TRANK1: variants seen among roughly 807,000 people sequenced by gnomAD.
TRANK1 encodes tetratricopeptide repeat and ankyrin repeat containing 1.
In TRANK1, 198 loss-of-function variants were observed where a neutral mutation model predicts 266.0. That is an observed-to-expected ratio of 0.74 (90% CI 0.66 to 0.84). TRANK1 has a LOEUF of 0.84. Among genes scored for constraint, TRANK1 ranks in the 40% least tolerant of loss-of-function variants. The pLI is 0.00. For missense variants in TRANK1, 3,326 were observed against 3,634.6 expected (o/e 0.92, Z 2.18); for synonymous variants, 1,396 against 1,384.1 (o/e 1.01, Z -0.19).
intron 2 of TRANK1, 109 bp from the exon 3 acceptor site, chr3:36,903,384 G>A: frequency 7.4e-7 from 1 of 1,347,628 alleles, no homozygotes; most frequent in Non-Finnish European, 1.0e-6. Flanking sequence ...GGTTTCAGTA[G>A]GAAATGACTC....
At chr3:36,942,389 T>A (rs1208499588) in intron 1 of TRANK1, among the ~76,000 whole-genome samples, 1 of 148,702 alleles carries the variant, frequency 6.7e-6, no homozygotes, top group Non-Finnish European at 1.5e-5. Flanking sequence ...TGATTGCAGC[T>A]GTGAAATTCT....
intron 5 of TRANK1, among the ~76,000 whole-genome samples, chr3:36,894,680 G>A (rs961588980): frequency 1.3e-5 from 2 of 152,150 alleles, no homozygotes; most frequent in South Asian, 2.1e-4. Context: ...GATTTCATTC[G>A]ATTTCCAACA....
In TRANK1 at chr3:36,917,112, G is replaced by A. The variant is rs551546866; in HGVS notation, c.24-8658C>T. Among the ~76,000 whole-genome samples, 14 of 152,054 alleles carry A rather than the reference G, an allele frequency of 9.2e-5. No individual in the cohort carries two copies. The South Asian group carries it at 2.3e-3, about 25-fold the overall frequency. On this transcript the variant is annotated intron_variant, in intron 1 of 23. Transcript: ENST00000645898. ...ATTACAAATGTGAGCCACCGTGCCC[G>A]GCCAAATGCATGTAATATTGGATTT...
rs761877142 is a variant in TRANK1 at position 36,833,494 on chromosome 3, G to T, written c.6089C>A (p.Ala2030Glu). The T allele has an allele frequency of 6.2e-7, 1 of 1,613,850 alleles. No homozygotes were observed. The change falls in exon 22 of 24, where the codon GCG becomes GAG. Residue 2030 changes from alanine (A) to glutamate (E), a missense_variant. Coordinates refer to ENST00000645898, the MANE Select transcript of TRANK1 (RefSeq NM_001329998.2). ...CYQTGQLSGIAEAHFLQGVIL... is the reference protein window; with the variant it reads ...CYQTGQLSGIEEAHFLQGVIL... ...TACCCCTTGCAGGAAGTGGGCCTCC[G>T]CAATGCCAGACAACTGGCCAGTTTG...
intron 9 of TRANK1, 71 bp downstream of exon 9, chr3:36,874,055 A>G: frequency 1.4e-6 from 2 of 1,388,218 alleles, no homozygotes; most frequent in Non-Finnish European, 1.9e-6. Context: ...AAAAAGAGAT[A>G]AACTGATTTG....
rs1031549732 is a variant in TRANK1, at chr3:36,889,964, A to C, written c.776-4T>G. 7.2e-6 allele frequency: 11 copies of C among 1,536,638 alleles called. No individual in the cohort carries two copies. The Admixed American group carries it at 9.8e-5, about 14-fold the overall frequency. On this transcript the variant is annotated splice_polypyrimidine_tract_variant and splice_region_variant and intron_variant, in intron 7 of 23. Transcript: ENST00000645898. The stretch of plus-strand genomic sequence containing the variant: ...CACCGGAAAAGATGGTTTTCTCCTG[A>C]AGGGAATTAAAATGACTTACTAATG...
chr3:36,843,762 G>C (rs1479774018), intron 17 of TRANK1, among the ~76,000 whole-genome samples: 1 of 152,166 alleles, frequency 6.6e-6, no homozygotes, highest in South Asian at 2.1e-4. Flanking sequence ...ACAGGGGAGT[G>C]AGGCAGACAG....
intron 11 of TRANK1, 104 bp from the exon 12 acceptor site, chr3:36,858,998 GT>G: frequency 7.7e-7 from 1 of 1,301,238 alleles, no homozygotes. Flanking sequence ...AAGAGCTAAT[GT>G]TTACCTAACT....
At chr3:36,928,344 G>C (rs1007286418) in intron 1 of TRANK1, among the ~76,000 whole-genome samples, 1 of 152,114 alleles carries the variant, frequency 6.6e-6, no homozygotes, top group Non-Finnish European at 1.5e-5. Flanking sequence ...TTGACTAGCT[G>C]TTGAGAATTT....
Position 36,892,852 on chromosome 3 carries a change from C to CATATATAT in TRANK1, c.636+41_636+48dup, listed in dbSNP as rs60833390. ...CAAAACAAAACAAAACAAAACAAAA[C>CATATATAT]ATATATATATATATATATAGATATA... On this transcript the variant is annotated intron_variant, in intron 6 of 23. Coordinates refer to ENST00000645898, the MANE Select transcript of TRANK1 (RefSeq NM_001329998.2). The CATATATAT allele has an allele frequency of 2.0e-3, 1,151 of 581,860 alleles. 5 individuals carry two copies. In the African/African-American group the frequency reaches 0.02, roughly 10 times the overall value. The allele number at this position is 581,860 out of a possible 1,614,324, so 36.0% of individuals were successfully genotyped here.
Position 36,864,391 on chromosome 3 carries a change from G to A in TRANK1, c.1168C>T (p.Arg390Trp), listed in dbSNP as rs764573576. ...TTCAGAAAGTTTTTATGCAATAACCGGTTTCCTGAGTTCATATACTTCACC... is the reference window on the plus strand; with the variant it reads ...TTCAGAAAGTTTTTATGCAATAACCAGTTTCCTGAGTTCATATACTTCACC... ...QLVKYMNSGNRLLHKNFLKQE... is the reference protein window; with the variant it reads ...QLVKYMNSGNWLLHKNFLKQE... The change falls in exon 10 of 24, where the codon CGG becomes TGG. Residue 390 changes from arginine (R) to tryptophan (W), a missense_variant. By Grantham distance (101) the Arg-to-Trp change is moderately radical. Transcript: ENST00000645898. 55 of 1,536,752 alleles carry A rather than the reference G, an allele frequency of 3.6e-5. No homozygotes were observed. The highest frequency in any genetic ancestry group is 5.5e-5 in the African/African-American group (4 of 73,000).
intron 3 of TRANK1, among the ~76,000 whole-genome samples, chr3:36,902,940 A>G (rs1031809538): frequency 2.6e-5 from 4 of 152,232 alleles, no homozygotes; most frequent in African/African-American, 7.2e-5. Context: ...CCCCATGGGC[A>G]TCTGTCTGAA....
intron 18 of TRANK1, 40 bp from the exon 19 acceptor site, chr3:36,838,756 GAGGTAACAGACA>G: frequency 6.3e-7 from 1 of 1,579,234 alleles, no homozygotes; most frequent in East Asian, 2.3e-5. Flanking sequence ...CAAGGTAATG[GAGGTAACAGACA>G]GAACAACGGT....
At chr3:36,865,217 G>A (rs1171836084) in intron 9 of TRANK1, among the ~76,000 whole-genome samples, 4 of 151,614 alleles carry the variant, frequency 2.6e-5, no homozygotes, top group Non-Finnish European at 2.9e-5. Context: ...TAGTAGAGAC[G>A]GGGTTTCACT....
At chr3:36,934,060 T>A (rs2080392961) in intron 1 of TRANK1, among the ~76,000 whole-genome samples, 1 of 152,218 alleles carries the variant, frequency 6.6e-6, no homozygotes, top group African/African-American at 2.4e-5. Context: ...ATGCTCTAGA[T>A]GGCTGCTCAG....
In TRANK1 at chr3:36,892,878, TATAG is replaced by T; in HGVS notation, c.636+19_636+22del. 5 of 960,776 alleles carry T rather than the reference TATAG, an allele frequency of 5.2e-6. No homozygotes were observed. The highest frequency in any genetic ancestry group is 5.6e-6 in the Non-Finnish European group (4 of 720,394). 59.5% of individuals were successfully genotyped at this position (960,776 alleles called of 1,614,324 possible). On this transcript the variant is annotated intron_variant, in intron 6 of 23. Transcript: ENST00000645898. ...ATATATATATATATATATAGATATA[TATAG>T]ATATATATATCACCTTACCTCAAAG...
intron 1 of TRANK1, among the ~76,000 whole-genome samples, chr3:36,933,634 G>A (rs1426248582): frequency 6.6e-6 from 1 of 152,202 alleles, no homozygotes; most frequent in East Asian, 1.9e-4. Flanking sequence ...AGATCCCAGG[G>A]CTTGCTTCTG....
At position 36,857,031 on chromosome 3, in the gene TRANK1, G is replaced by A; in HGVS notation, c.2691C>T (p.Ala897=). The A allele has an allele frequency of 1.2e-6, 2 of 1,613,914 alleles. No individual in the cohort carries two copies. The change falls in exon 13 of 24, where the codon GCC becomes GCT. Residue 897 remains alanine (A), a synonymous_variant. Coordinates refer to ENST00000645898, the MANE Select transcript of TRANK1 (RefSeq NM_001329998.2). The surrounding 1 kb of genome is among the most constrained non-coding windows in gnomAD (Gnocchi z 4.3). ...CAATGGCGAGCTCCCAGAGCATCCGGGCTCCTTTGTCCAGCTTAGCTTCGA... is the reference window on the plus strand; with the variant it reads ...CAATGGCGAGCTCCCAGAGCATCCGAGCTCCTTTGTCCAGCTTAGCTTCGA... ...QLFEAKLDKG[A]RMLWELAIDF...
At chr3:36,923,645 G>A (rs1003195160) in intron 1 of TRANK1, among the ~76,000 whole-genome samples, 8 of 152,072 alleles carry the variant, frequency 5.3e-5, no homozygotes, top group African/African-American at 1.2e-4. Flanking sequence ...CTCTCTGGAC[G>A]GGAACTGTCC....
Sources: allele counts gnomAD v4.1 joint callset (sites outside exome capture counted in the v4.1 genomes callset), GRCh38; gene constraint gnomAD v4.1.1; non-coding constraint Gnocchi (gnomAD v3.1); transcripts MANE v1.5; gene names NCBI Gene and HGNC (gene_info 2026-07-23, HGNC 2026-07-21).